Variants in RPS6KC1 observed in about 807,000 individuals in gnomAD.
RPS6KC1 encodes the protein inactive ribosomal protein S6 kinase delta-1.
Under a neutral mutation model 103.8 loss-of-function variants are expected in RPS6KC1, and 54 were observed. The observed-to-expected ratio is 0.52, with a 90% confidence interval of 0.42 to 0.65. The LOEUF (loss-of-function observed/expected upper bound fraction) is 0.65. Ranked by LOEUF, RPS6KC1 falls within the 30% of genes least tolerant of loss-of-function variation. RPS6KC1 has a pLI of 0.00. For synonymous variants in RPS6KC1, 439 were observed against 438.7 expected (o/e 1.00, Z -0.01); for missense variants, 1,151 against 1,253.8 (o/e 0.92, Z 1.24).
the RPS6KC1 span, among the ~76,000 whole-genome samples, chr1:213,458,007 C>T: frequency 2.0e-5 from 3 of 152,152 alleles, no homozygotes; most frequent in Non-Finnish European, 4.4e-5. Context: ...ATACTATCAA[C>T]TTTAATTTTA....
the RPS6KC1 span, among the ~76,000 whole-genome samples, chr1:213,681,492 G>A: frequency 2.0e-5 from 3 of 148,186 alleles, no homozygotes; most frequent in Non-Finnish European, 1.5e-5. Flanking sequence ...GGAGAGAGAA[G>A]GTGTTAAATA....
chr1:213,619,424 C>T, the RPS6KC1 span, among the ~76,000 whole-genome samples: 1 of 152,206 alleles, frequency 6.6e-6, no homozygotes, highest in African/African-American at 2.4e-5. Flanking sequence ...AAGGACAACA[C>T]CAAGGATTGC....
At chr1:213,563,931 A>G in the RPS6KC1 span, among the ~76,000 whole-genome samples, 1 of 142,144 alleles carries the variant, frequency 7.0e-6, no homozygotes, top group Admixed American at 6.9e-5. Flanking sequence ...TTTGCTTACC[A>G]TTTATTTACT....
intron 2 of RPS6KC1, among the ~76,000 whole-genome samples, chr1:213,076,205 C>G (rs1190111188): frequency 6.6e-6 from 1 of 152,168 alleles, no homozygotes; most frequent in Non-Finnish European, 1.5e-5. Context: ...ACAAGGGAAG[C>G]ATCAGGAGGA....
intron 8 of RPS6KC1, among the ~76,000 whole-genome samples, chr1:213,178,327 A>G (rs1157415844): frequency 6.6e-6 from 1 of 151,690 alleles, no homozygotes; most frequent in Non-Finnish European, 1.5e-5. Flanking sequence ...ATCACTTGAG[A>G]CCAGGAGTTC....
chr1:213,494,598 GTC>G, the RPS6KC1 span, among the ~76,000 whole-genome samples: 1 of 151,960 alleles, frequency 6.6e-6, no homozygotes, highest in Non-Finnish European at 1.5e-5. Flanking sequence ...ATGTTTCAAA[GTC>G]TCTATAAGGA....
At chr1:213,651,245 G>A in the RPS6KC1 span, among the ~76,000 whole-genome samples, 5 of 152,110 alleles carry the variant, frequency 3.3e-5, no homozygotes, top group South Asian at 8.3e-4. Flanking sequence ...CAATAAAAAC[G>A]CCAGACAGGC....
the RPS6KC1 span, among the ~76,000 whole-genome samples, chr1:213,497,456 A>G: frequency 6.6e-6 from 1 of 152,138 alleles, no homozygotes; most frequent in Non-Finnish European, 1.5e-5. Flanking sequence ...TAAGAAAATA[A>G]CAACACAGTC....
the RPS6KC1 span, among the ~76,000 whole-genome samples, chr1:213,700,853 A>G: frequency 1.3e-5 from 2 of 151,886 alleles, no homozygotes; most frequent in Non-Finnish European, 2.9e-5. Context: ...TCTTTTTCAG[A>G]TTCTTCACTG....
At chr1:213,730,620 G>A in the RPS6KC1 span, among the ~76,000 whole-genome samples, 1 of 152,028 alleles carries the variant, frequency 6.6e-6, no homozygotes, top group Non-Finnish European at 1.5e-5. Flanking sequence ...GGGGTTGTTT[G>A]TTTTTTATTT....
chr1:213,611,556 G>A, the RPS6KC1 span, among the ~76,000 whole-genome samples: 19 of 152,314 alleles, frequency 1.2e-4, no homozygotes, highest in South Asian at 1.7e-3. Context: ...CCAGGAAAGA[G>A]GAGGGATCTT....
the RPS6KC1 span, among the ~76,000 whole-genome samples, chr1:213,860,549 GA>G: frequency 1.3e-5 from 2 of 152,186 alleles, no homozygotes; most frequent in Non-Finnish European, 2.9e-5. Context: ...AAGAACCACA[GA>G]GAAGGGGTGG....
At chr1:213,377,236 C>G in the RPS6KC1 span, among the ~76,000 whole-genome samples, 1 of 152,188 alleles carries the variant, frequency 6.6e-6, no homozygotes, top group African/African-American at 2.4e-5. Context: ...AACCTTTTCT[C>G]CTTAGCTGCA....
the RPS6KC1 span, among the ~76,000 whole-genome samples, chr1:213,590,401 A>T: frequency 2.6e-5 from 4 of 152,186 alleles, no homozygotes; most frequent in Admixed American, 6.5e-5. Context: ...CAAGAAGGAA[A>T]GGTCAGCGTG....
chr1:213,455,431 CA>C, the RPS6KC1 span, among the ~76,000 whole-genome samples: 1 of 152,094 alleles, frequency 6.6e-6, no homozygotes, highest in Admixed American at 6.6e-5. Context: ...GATGCTAGAC[CA>C]AAGTGGGAAA....
At chr1:213,581,781 A>T in the RPS6KC1 span, among the ~76,000 whole-genome samples, 174 of 152,186 alleles carry the variant, frequency 1.1e-3, 4 homozygotes, top group African/African-American at 3.6e-3. Flanking sequence ...TTTAACTCTC[A>T]TCATCAAGTT....
intron 8 of RPS6KC1, among the ~76,000 whole-genome samples, chr1:213,197,707 G>A (rs1048898842): frequency 6.6e-6 from 1 of 152,074 alleles, no homozygotes; most frequent in South Asian, 2.1e-4. Flanking sequence ...GAACTTTTTG[G>A]ATGAGTCTTT....
chr1:213,591,788 A>G, the RPS6KC1 span, among the ~76,000 whole-genome samples: 2 of 152,210 alleles, frequency 1.3e-5, no homozygotes, highest in East Asian at 1.9e-4. Context: ...GGACTGTTCT[A>G]GAATTACAAC....
the RPS6KC1 span, among the ~76,000 whole-genome samples, chr1:213,280,654 T>C: frequency 6.6e-6 from 1 of 152,316 alleles, no homozygotes; most frequent in Admixed American, 6.5e-5. Flanking sequence ...TGAAATTAGA[T>C]GTTTGCTGAA....
Sources: gnomAD v4.1 joint callset for allele counts (sites outside exome capture counted in the v4.1 genomes callset) on GRCh38, gnomAD v4.1.1 for gene constraint, MANE v1.5 for transcripts, NCBI Gene and HGNC (gene_info 2026-07-23, HGNC 2026-07-21) for gene names.